The following TECTB variants were observed in gnomAD, a reference collection of about 807,000 sequenced individuals.
TECTB encodes the protein beta-tectorin.
Under a neutral mutation model 43.3 loss-of-function variants are expected in TECTB, and 45 were observed. The observed-to-expected ratio is 1.04, with a 90% CI of 0.82 to 1.33. TECTB has a LOEUF of 1.33. Ranked by LOEUF, TECTB falls within the 40% of genes most tolerant of loss-of-function variation. TECTB has a pLI of 0.00. For missense variants in TECTB, 399 were observed against 404.7 expected, an observed-to-expected ratio of 0.99 and a Z score of 0.12; for synonymous variants, 169 against 156.7, an observed-to-expected ratio of 1.08 and a Z score of -0.59.
Position 112,303,288 on chromosome 10 carries a change from G to A in TECTB, c.966G>A (p.Met322Ile). The A allele has an allele frequency of 6.2e-7, 1 of 1,614,160 alleles. No homozygotes were observed. The highest frequency in any genetic ancestry group is 8.5e-7 in the Non-Finnish European group (1 of 1,180,020). Residue 322 changes from methionine to isoleucine, a missense_variant, in exon 11 of 11, where the codon ATG becomes ATA. Physicochemically the swap from Met to Ile is conservative, Grantham distance 10. Coordinates refer to ENST00000646139, the MANE Select transcript of TECTB (RefSeq NM_058222.3). The stretch of plus-strand genomic sequence containing the variant: ...ATGTTCTCCACCACCTCATCATGAT[G>A]TTGGGGATTTGTGCCGTGTTATAGG... ...FSDVLHHLIM[M>I]LGICAVL
At chr10:112,297,265 A>G (rs1262565121) in intron 7 of TECTB, among the ~76,000 whole-genome samples, 2 of 152,092 alleles carry the variant, frequency 1.3e-5, no homozygotes, top group Non-Finnish European at 2.9e-5. Context: ...AGCCTGGACA[A>G]TCACAGTGCC....
Position 112,303,503 on chromosome 10 carries a change from T to C in TECTB, c.*191T>C, listed in dbSNP as rs2133360956. 1.5e-6 allele frequency: 1 copy of C among 675,554 alleles called. No individual in the cohort carries two copies. The highest frequency in any genetic ancestry group is 2.7e-5 in the East Asian group (1 of 36,540). The allele number at this position is 675,554 out of a possible 1,614,324, so 41.8% of individuals were successfully genotyped here. ...TGCCTTTTTCTTTCTAAGAAAAACT[T>C]AGGCTACTTCCCGTGGCCCTTAGAT... is the stretch of plus-strand genomic sequence containing the variant. On this transcript the variant is annotated 3_prime_UTR_variant, in exon 11 of 11. Coordinates refer to ENST00000646139, the MANE Select transcript of TECTB (RefSeq NM_058222.3).
At position 112,299,529 on chromosome 10, in the gene TECTB, C is replaced by T. The variant is rs1848577837; in HGVS notation, c.872C>T (p.Thr291Ile). 1 of 1,614,202 alleles carries T rather than the reference C, an allele frequency of 6.2e-7. No homozygotes were observed. The highest frequency in any genetic ancestry group is 8.5e-7 in the Non-Finnish European group (1 of 1,180,044). Residue 291 changes from threonine to isoleucine, a missense_variant, in exon 9 of 11, where the codon ACC becomes ATC. Coordinates refer to ENST00000646139, the MANE Select transcript of TECTB (RefSeq NM_058222.3). ...CGGAAGCGCCTCCTGCGAGACCAGA[C>T]CGGGGGAGTCCTGGTCGTGGAGCTC... Reference protein sequence around the residue: ...DKRKRLLRDQTGGVLVVELSL... With the variant: ...DKRKRLLRDQIGGVLVVELSL...
In TECTB at chr10:112,304,553, T is replaced by C. The variant is rs984489554; in HGVS notation, c.*1241T>C. 2.0e-5 allele frequency: 3 copies of C among 152,376 alleles called. No homozygotes were observed. The highest frequency in any genetic ancestry group is 6.8e-3 in the Middle Eastern group (2 of 294). 9.4% of individuals were successfully genotyped at this position (152,376 alleles called of 1,614,324 possible). ...AGGCAGAGTTCTAAGTCCTTAGTTA[T>C]GTAAAGACTTAATTAGTAGGCTTAT... On this transcript the variant is annotated 3_prime_UTR_variant, in exon 11 of 11. Coordinates refer to ENST00000646139, the MANE Select transcript of TECTB (RefSeq NM_058222.3).
chr10:112,292,550 T>C (rs1314164184), intron 5 of TECTB, among the ~76,000 whole-genome samples: 5 of 152,130 alleles, frequency 3.3e-5, no homozygotes, highest in East Asian at 1.9e-4. Flanking sequence ...TCTTCCTGCC[T>C]CAGCCTCCAG....
chr10:112,295,786 T>A (rs1166511192), intron 7 of TECTB, among the ~76,000 whole-genome samples: 1 of 152,164 alleles, frequency 6.6e-6, no homozygotes, highest in Non-Finnish European at 1.5e-5. Context: ...TGGAATCATC[T>A]CTCTGCAGGG....
At position 112,283,855 on chromosome 10, in the gene TECTB, GA is replaced by G. The variant is rs750658086; in HGVS notation, c.76+47del. On this transcript the variant is annotated intron_variant, in intron 2 of 10. Coordinates refer to ENST00000646139, the MANE Select transcript of TECTB (RefSeq NM_058222.3). ...ATTTTCCTGGGACGAAAAGTTTCCT[GA>G]AGTTTCCTTTTACAATGCTCAGCAC... The G allele has an allele frequency of 1.1e-5, 18 of 1,595,886 alleles. No individual in the cohort carries two copies. The African/African-American group carries it at 2.4e-4, about 21-fold the overall frequency.
intron 9 of TECTB, among the ~76,000 whole-genome samples, chr10:112,300,286 A>AGAAAGAAAGAAG (rs1848595328): frequency 1.9e-5 from 2 of 107,390 alleles, no homozygotes; most frequent in Non-Finnish European, 3.8e-5. Context: ...AAGAAAAGAA[A>AGAAAGAAAGAAG]GAAAGAAAGA....
intron 5 of TECTB, among the ~76,000 whole-genome samples, chr10:112,293,228 A>G (rs919586998): frequency 1.3e-5 from 2 of 152,222 alleles, no homozygotes; most frequent in Admixed American, 1.3e-4. Flanking sequence ...TGCCCAACAC[A>G]TAGTAGTTGA....
At chr10:112,299,243 A>G (rs1003754060) in intron 8 of TECTB, among the ~76,000 whole-genome samples, 2 of 152,236 alleles carry the variant, frequency 1.3e-5, no homozygotes, top group African/African-American at 2.4e-5. Context: ...CTCTTCCAGA[A>G]GGATTCCCTC....
rs988828269 is a variant in TECTB at position 112,283,898 on chromosome 10, T to C, written c.76+88T>C. On this transcript the variant is annotated intron_variant, in intron 2 of 10. Coordinates refer to ENST00000646139, the MANE Select transcript of TECTB (RefSeq NM_058222.3). ...GCTCAGCACTTCTGTGCTTAACTTG[T>C]TATAAAAATGTAATGATGTAGCCAA... is the stretch of plus-strand genomic sequence containing the variant. The C allele has an allele frequency of 1.2e-5, 16 of 1,387,822 alleles. No individual in the cohort carries two copies. The Admixed American group carries it at 3.3e-4, about 28-fold the overall frequency. 86.0% of individuals were successfully genotyped at this position (1,387,822 alleles called of 1,614,324 possible). A position where few individuals can be genotyped will look rare whatever the true frequency, so the allele number is the denominator to read the frequency against.
intron 8 of TECTB, among the ~76,000 whole-genome samples, chr10:112,299,189 C>A (rs994223262): frequency 1.3e-5 from 2 of 152,156 alleles, no homozygotes; most frequent in African/African-American, 2.4e-5. Context: ...TAAGTAGAAG[C>A]CTTATCAAAG....
At chr10:112,288,998 GT>G (rs2133349360) in intron 5 of TECTB, among the ~76,000 whole-genome samples, 1 of 152,330 alleles carries the variant, frequency 6.6e-6, no homozygotes, top group African/African-American at 2.4e-5. Flanking sequence ...TCATTTACTA[GT>G]TGTGTGACTT....
In TECTB at chr10:112,286,190, G is replaced by A. The variant is rs1848452756; in HGVS notation, c.387G>A (p.Val129=). 1 of 1,614,164 alleles carries A rather than the reference G, an allele frequency of 6.2e-7. No individual in the cohort carries two copies. Among genetic ancestry groups the A allele is most frequent in the African/African-American group, 1.3e-5 (1 of 75,032 alleles). Residue 129 remains valine (V), a synonymous_variant, in exon 4 of 11, where the codon GTG becomes GTA. Transcript: ENST00000646139. Reference sequence around the variant, plus strand: ...GCACCTACCACTCCACCTACTTGGTGAACCAGGCTGCCTTTGACCAGAGGT... The same window carrying A: ...GCACCTACCACTCCACCTACTTGGTAAACCAGGCTGCCTTTGACCAGAGGT... ...FSCTYHSTYL[V]NQAAFDQRVA... is the part of the protein sequence containing the mutation.
chr10:112,299,523 A>G lies in TECTB; in HGVS notation c.866A>G (p.Asp289Gly). The stretch of plus-strand genomic sequence containing the variant: ...GATAAACGGAAGCGCCTCCTGCGAG[A>G]CCAGACCGGGGGAGTCCTGGTCGTG... ...TCDKRKRLLR[D>G]QTGGVLVVEL... The change falls in exon 9 of 11, where the codon GAC becomes GGC. Residue 289 changes from aspartate (D) to glycine (G), a missense_variant. Asp to Gly is a moderately conservative substitution (Grantham distance 94). Transcript: ENST00000646139. The G allele has an allele frequency of 6.2e-7, 1 of 1,614,160 alleles. No homozygotes were observed. The highest frequency in any genetic ancestry group is 8.5e-7 in the Non-Finnish European group (1 of 1,180,036).
intron 8 of TECTB, among the ~76,000 whole-genome samples, chr10:112,298,623 C>T (rs1346132730): frequency 3.3e-5 from 5 of 152,220 alleles, no homozygotes; most frequent in African/African-American, 9.6e-5. Flanking sequence ...AGGGACAGGC[C>T]GTGGAAATAA....
intron 5 of TECTB, among the ~76,000 whole-genome samples, chr10:112,291,534 A>G (rs1848499113): frequency 6.6e-6 from 1 of 152,268 alleles, no homozygotes; most frequent in Non-Finnish European, 1.5e-5. Flanking sequence ...AATGTGGTAC[A>G]TATACACCAT....
chr10:112,296,859 G>A (rs1033412950), intron 7 of TECTB, among the ~76,000 whole-genome samples: 3 of 152,158 alleles, frequency 2.0e-5, no homozygotes, highest in Non-Finnish European at 4.4e-5. Flanking sequence ...CATACAAGAA[G>A]AAAGATGCTT....
At position 112,300,646 on chromosome 10, in the gene TECTB, C is replaced by T. The variant is rs1453341138; in HGVS notation, c.907+1082C>T. Among the ~76,000 whole-genome samples the T allele has an allele frequency of 8.3e-4, 127 of 152,214 alleles. 1 individual carries two copies. Among genetic ancestry groups the T allele is most frequent in the South Asian group, 2.1e-4 (1 of 4,832 alleles). ...AATCCGAATGCTCCCAAATCTGAAA[C>T]TTTTTGAGCACCCACATGATGCTCA... On this transcript the variant is annotated intron_variant, in intron 9 of 10. Coordinates refer to ENST00000646139, the MANE Select transcript of TECTB (RefSeq NM_058222.3).
Sources: allele counts gnomAD v4.1 joint callset (sites outside exome capture counted in the v4.1 genomes callset), GRCh38; gene constraint gnomAD v4.1.1; transcripts MANE v1.5; gene names NCBI Gene and HGNC (gene_info 2026-07-23, HGNC 2026-07-21).